Variants in AUTS2 observed in about 807,000 individuals in gnomAD.
AUTS2 encodes autism susceptibility gene 2 protein.
In AUTS2, 17 loss-of-function variants were observed where a neutral mutation model predicts 112.4. The observed-to-expected ratio is 0.15, with a 90% CI of 0.10 to 0.23. The LOEUF is 0.23. Among genes scored for constraint, AUTS2 ranks in the 10% least tolerant of loss-of-function variants. The probability of loss-of-function intolerance (pLI) is 1.00; values close to 1 mark genes in which losing one functional copy is unlikely to be tolerated. For synonymous variants in AUTS2, 751 were observed against 702.7 expected, an observed-to-expected ratio of 1.07 and a Z score of -1.09; for missense variants, 1,510 against 1,701.6, an observed-to-expected ratio of 0.89 and a Z score of 1.98.
rs1791655939 is a variant in AUTS2, at chr7:70,349,562, A to AATCAG, written c.661-86188_661-86184dup. On this transcript the variant is annotated intron_variant, in intron 4 of 18. Coordinates refer to ENST00000342771, the MANE Select transcript of AUTS2 (RefSeq NM_015570.4). ...ACCAGAATGTAATTGATCCTTAGAA[A>AATCAG]ATCAGAGGTTAGCGCCTTCTTTGGC... Among the ~76,000 whole-genome samples the AATCAG allele has an allele frequency of 2.0e-5, 3 of 152,180 alleles. No homozygotes were observed. The South Asian group carries it at 6.2e-4, about 31-fold the overall frequency.
At chr7:70,739,267 A>G (rs12698933) in intron 6 of AUTS2, among the ~76,000 whole-genome samples, 100,984 of 151,008 alleles carry the variant, frequency 0.67, 34,598 homozygotes, top group African/African-American at 0.81. Flanking sequence ...GGCTCAAGCA[A>G]TCCTCCTGCC....
chr7:70,433,227 T>C (rs1256235302), intron 4 of AUTS2, among the ~76,000 whole-genome samples: 1 of 152,046 alleles, frequency 6.6e-6, no homozygotes, highest in Non-Finnish European at 1.5e-5. Flanking sequence ...GGGGGCACAG[T>C]GGTGGTTCTT....
chr7:70,734,539 T>C (rs899660315), intron 6 of AUTS2, among the ~76,000 whole-genome samples: 1 of 152,010 alleles, frequency 6.6e-6, no homozygotes, highest in Non-Finnish European at 1.5e-5. Flanking sequence ...TGTCCCAGAA[T>C]GAGGTTTGGC....
chr7:69,652,884 C>G (rs1795355995), intron 1 of AUTS2, among the ~76,000 whole-genome samples: 2 of 152,178 alleles, frequency 1.3e-5, no homozygotes, highest in African/African-American at 2.4e-5. Flanking sequence ...TCAAGACCCA[C>G]AAGTGACTAC....
intron 4 of AUTS2, among the ~76,000 whole-genome samples, chr7:70,340,782 C>T (rs1388366376): frequency 6.6e-6 from 1 of 152,228 alleles, no homozygotes; most frequent in African/African-American, 2.4e-5. Flanking sequence ...TTGACATTTA[C>T]AATTCTGCTA....
chr7:70,191,781 C>T (rs1230401284), intron 4 of AUTS2, among the ~76,000 whole-genome samples: 1 of 152,020 alleles, frequency 6.6e-6, no homozygotes, highest in East Asian at 1.9e-4. Context: ...ACAAAAAAGG[C>T]CAGGCCCGGT....
chr7:69,787,118 T>G (rs1407872517), intron 1 of AUTS2, among the ~76,000 whole-genome samples: 3 of 152,242 alleles, frequency 2.0e-5, no homozygotes, highest in East Asian at 1.9e-4. Context: ...CACAGAGCTT[T>G]CCCTCTCTAA....
chr7:69,739,200 C>G (rs181043272), intron 1 of AUTS2, among the ~76,000 whole-genome samples: 1 of 152,244 alleles, frequency 6.6e-6, no homozygotes, highest in East Asian at 1.9e-4. Context: ...TAATACCCTT[C>G]AGATATTAAA....
At chr7:70,338,175 TCAAA>T (rs1791082495) in intron 4 of AUTS2, among the ~76,000 whole-genome samples, 1 of 152,200 alleles carries the variant, frequency 6.6e-6, no homozygotes, top group South Asian at 2.1e-4. Flanking sequence ...CTACATTTAA[TCAAA>T]CAACCAGTTC....
At chr7:70,090,851 G>C (rs1803878030) in intron 2 of AUTS2, among the ~76,000 whole-genome samples, 1 of 151,882 alleles carries the variant, frequency 6.6e-6, no homozygotes, top group African/African-American at 2.4e-5. Context: ...GCTAATTTTT[G>C]TATTTTTAGT....
intron 6 of AUTS2, among the ~76,000 whole-genome samples, chr7:70,713,956 G>T (rs1810209365): frequency 6.6e-6 from 1 of 151,568 alleles, no homozygotes; most frequent in Non-Finnish European, 1.5e-5. Context: ...GATTCAGCGT[G>T]TCTGGGCTAG....
At chr7:69,924,768 C>G (rs1356264367) in intron 2 of AUTS2, among the ~76,000 whole-genome samples, 1 of 152,232 alleles carries the variant, frequency 6.6e-6, no homozygotes, top group Admixed American at 6.5e-5. Context: ...TCAGGCTGGT[C>G]TCAAACTCCT....
At chr7:70,727,035 G>A (rs7809880) in intron 6 of AUTS2, among the ~76,000 whole-genome samples, 15,085 of 152,092 alleles carry the variant, frequency 0.099, 993 homozygotes, top group South Asian at 0.19. Flanking sequence ...CACCCTCCTC[G>A]TCAGTTAGCA....
chr7:70,541,061 G>A (rs1029010238), intron 5 of AUTS2, among the ~76,000 whole-genome samples: 8 of 152,078 alleles, frequency 5.3e-5, no homozygotes, highest in South Asian at 2.1e-4. Context: ...CTGAGTCCAC[G>A]AAATCTAAAT....
chr7:70,269,235 G>A lies in AUTS2; in HGVS notation c.660+134664G>A, dbSNP rs116297534. Among the ~76,000 whole-genome samples the A allele has an allele frequency of 3.7e-3, 569 of 152,198 alleles. 5 individuals are homozygous for A. Among genetic ancestry groups the A allele is most frequent in the African/African-American group, 0.013 (551 of 41,536 alleles). On this transcript the variant is annotated intron_variant, in intron 4 of 18. Coordinates refer to ENST00000342771, the MANE Select transcript of AUTS2 (RefSeq NM_015570.4). The stretch of plus-strand genomic sequence containing the variant: ...GCAGGTAGGAGCTTCTTGGTGTTCC[G>A]CTCCTTACCCAGGCTTGAGGAATAG...
chr7:69,811,075 GT>G (rs1284686757), intron 1 of AUTS2, among the ~76,000 whole-genome samples: 3 of 152,120 alleles, frequency 2.0e-5, no homozygotes, highest in African/African-American at 7.2e-5. Flanking sequence ...CATTTGAGAA[GT>G]TCTCACCTTT....
At chr7:69,720,068 G>A (rs1798838649) in intron 1 of AUTS2, among the ~76,000 whole-genome samples, 1 of 152,220 alleles carries the variant, frequency 6.6e-6, no homozygotes, top group African/African-American at 2.4e-5. Flanking sequence ...TCCAAGAAGA[G>A]TTTTGTAAGA....
chr7:69,736,085 A>G lies in AUTS2; in HGVS notation c.309+136123A>G, dbSNP rs1239867984. 3.3e-5 allele frequency among the ~76,000 whole-genome samples: 5 copies of G among 152,164 alleles called. No homozygotes were observed. In the East Asian group the frequency reaches 9.6e-4, roughly 29 times the overall value. On this transcript the variant is annotated intron_variant, in intron 1 of 18. Transcript: ENST00000342771. ...GGCACTCAGTGAATATTTGTTGAATACATGCATTTGTTGAAAAAAGTGAAA... is the reference window on the plus strand; with the variant it reads ...GGCACTCAGTGAATATTTGTTGAATGCATGCATTTGTTGAAAAAAGTGAAA...
At chr7:69,889,060 C>T (rs565678911) in intron 1 of AUTS2, among the ~76,000 whole-genome samples, 1 of 152,272 alleles carries the variant, frequency 6.6e-6, no homozygotes, top group South Asian at 2.1e-4. Flanking sequence ...TTCACAAGTT[C>T]ATTCTCCTTT....
Sources: allele counts gnomAD v4.1 joint callset (sites outside exome capture counted in the v4.1 genomes callset), GRCh38; gene constraint gnomAD v4.1.1; transcripts MANE v1.5; gene names NCBI Gene and HGNC (gene_info 2026-07-23, HGNC 2026-07-21).